ADAMTSL1: variants seen among roughly 807,000 people sequenced by gnomAD.
ADAMTSL1 encodes ADAMTS like 1.
In ADAMTSL1, 126 loss-of-function variants were observed where a neutral mutation model predicts 201.8. The observed-to-expected ratio is 0.62, with a 90% CI of 0.54 to 0.72. ADAMTSL1 has a LOEUF of 0.72. Among genes scored for constraint, ADAMTSL1 ranks in the 30% least tolerant of loss-of-function variants. The probability of loss-of-function intolerance (pLI) is 0.00; values close to 1 mark genes in which losing one functional copy is unlikely to be tolerated. For missense variants in ADAMTSL1, 2,679 were observed against 2,277.8 expected, an observed-to-expected ratio of 1.18 and a Z score of -3.59; for synonymous variants, 1,121 against 903.4, an observed-to-expected ratio of 1.24 and a Z score of -4.32.
At chr9:18,168,275 C>T (rs1222341338) in intron 2 of ADAMTSL1, among the ~76,000 whole-genome samples, 3 of 152,108 alleles carry the variant, frequency 2.0e-5, no homozygotes, top group African/African-American at 7.2e-5. Context: ...TCCCTCACCC[C>T]TCCCCCAACC....
chr9:18,254,569 T>C (rs1021290769), intron 2 of ADAMTSL1, among the ~76,000 whole-genome samples: 15 of 151,732 alleles, frequency 9.9e-5, no homozygotes, highest in Admixed American at 3.3e-4. Context: ...TTCACCATGT[T>C]AGCCAGGATG....
intron 2 of ADAMTSL1, among the ~76,000 whole-genome samples, chr9:18,244,156 G>C (rs746890424): frequency 6.6e-6 from 1 of 151,770 alleles, no homozygotes; most frequent in Admixed American, 6.6e-5. Flanking sequence ...CTACAACACT[G>C]TGTTGAGAAG....
At chr9:18,307,093 T>A (rs1833939558) in intron 2 of ADAMTSL1, among the ~76,000 whole-genome samples, 1 of 152,160 alleles carries the variant, frequency 6.6e-6, no homozygotes, top group Non-Finnish European at 1.5e-5. Context: ...CCAGCCAAAC[T>A]AAGCTTCATA....
At chr9:18,855,929 T>G (rs1446527511) in intron 23 of ADAMTSL1, among the ~76,000 whole-genome samples, 9 of 152,182 alleles carry the variant, frequency 5.9e-5, no homozygotes, top group Admixed American at 5.9e-4. Flanking sequence ...AGAAAAAGAA[T>G]TTAGGCACAG....
chr9:17,996,228 C>T (rs1239740122), intron 1 of ADAMTSL1, among the ~76,000 whole-genome samples: 2 of 151,770 alleles, frequency 1.3e-5, no homozygotes, highest in African/African-American at 4.8e-5. Context: ...CACTCTCCAC[C>T]CACCTCCTGC....
chr9:18,043,825 G>A (rs1256117279), intron 1 of ADAMTSL1, among the ~76,000 whole-genome samples: 1 of 151,764 alleles, frequency 6.6e-6, no homozygotes, highest in Non-Finnish European at 1.5e-5. Flanking sequence ...ACAATGTATA[G>A]GGAAGGAATG....
intron 1 of ADAMTSL1, among the ~76,000 whole-genome samples, chr9:17,960,658 C>T (rs554552818): frequency 3.4e-4 from 52 of 152,306 alleles, no homozygotes; most frequent in African/African-American, 1.2e-3. Context: ...TCCTTAATGT[C>T]TAATAGCCCA....
intron 7 of ADAMTSL1, 125 bp from the exon 8 acceptor site, chr9:18,657,514 C>A (rs1168052550): frequency 1.5e-6 from 1 of 652,850 alleles, no homozygotes; most frequent in Non-Finnish European, 2.7e-6. Flanking sequence ...GCCACTTCTC[C>A]CGCAGTGCAG....
intron 3 of ADAMTSL1, among the ~76,000 whole-genome samples, chr9:18,573,531 C>G (rs1249101704): frequency 1.3e-5 from 2 of 152,142 alleles, no homozygotes; most frequent in Non-Finnish European, 2.9e-5. Flanking sequence ...AAGTCCTAGA[C>G]AAAAAATTAC....
At chr9:18,436,764 T>A (rs1819752417) in intron 2 of ADAMTSL1, among the ~76,000 whole-genome samples, 1 of 152,202 alleles carries the variant, frequency 6.6e-6, no homozygotes, top group African/African-American at 2.4e-5. Context: ...CATCATTTTT[T>A]CTCAGCCATC....
At chr9:18,237,200 T>C (rs1194563036) in intron 2 of ADAMTSL1, among the ~76,000 whole-genome samples, 4 of 152,116 alleles carry the variant, frequency 2.6e-5, no homozygotes, top group African/African-American at 9.7e-5. Flanking sequence ...TGGCAGACCA[T>C]GAGCTCTCCA....
chr9:18,381,543 A>G (rs1208463049), intron 2 of ADAMTSL1, among the ~76,000 whole-genome samples: 2 of 152,204 alleles, frequency 1.3e-5, no homozygotes, highest in Non-Finnish European at 2.9e-5. Context: ...ATGCTGTGAC[A>G]TAATCCCACA....
Position 18,647,460 on chromosome 9 carries a change from T to C in ADAMTSL1, c.834+8049T>C, listed in dbSNP as rs577963379. 2.6e-3 allele frequency among the ~76,000 whole-genome samples: 400 copies of C among 152,282 alleles called. 1 individual carries two copies. The highest frequency in any genetic ancestry group is 9.2e-3 in the African/African-American group (384 of 41,562). ...AATGTGTTTGCTCTTGCTTTTCTAG[T>C]TCTTTTAATTGTGATATTAGGGTGT... On this transcript the variant is annotated intron_variant, in intron 7 of 28. Coordinates refer to ENST00000380548, the MANE Select transcript of ADAMTSL1 (RefSeq NM_001040272.6).
chr9:18,614,630 C>G (rs1825586147), intron 4 of ADAMTSL1, among the ~76,000 whole-genome samples: 1 of 152,102 alleles, frequency 6.6e-6, no homozygotes, highest in African/African-American at 2.4e-5. Context: ...TTATACTGAT[C>G]TTACTCCCTT....
intron 7 of ADAMTSL1, among the ~76,000 whole-genome samples, chr9:18,643,472 T>C (rs139848274): frequency 5.8e-4 from 89 of 152,186 alleles, no homozygotes; most frequent in African/African-American, 2.0e-3. Flanking sequence ...TTTTGGGTCA[T>C]ATTCAAAAAA....
chr9:18,204,052 C>A (rs1371584135), intron 2 of ADAMTSL1, among the ~76,000 whole-genome samples: 1 of 152,140 alleles, frequency 6.6e-6, no homozygotes. Flanking sequence ...ACCTCCGATT[C>A]TCTTCTTAAG....
chr9:18,308,041 A>T (rs1330150023), intron 2 of ADAMTSL1, among the ~76,000 whole-genome samples: 1 of 152,118 alleles, frequency 6.6e-6, no homozygotes, highest in Non-Finnish European at 1.5e-5. Context: ...TCAGAAACTC[A>T]CTCAAAACCA....
At chr9:17,985,488 G>C (rs375073484) in intron 1 of ADAMTSL1, among the ~76,000 whole-genome samples, 1 of 152,022 alleles carries the variant, frequency 6.6e-6, no homozygotes, top group Non-Finnish European at 1.5e-5. Flanking sequence ...TTATAGTTCT[G>C]AGTACTACAA....
At chr9:18,161,113 T>C (rs1369540568) in intron 1 of ADAMTSL1, among the ~76,000 whole-genome samples, 1 of 151,968 alleles carries the variant, frequency 6.6e-6, no homozygotes, top group Non-Finnish European at 1.5e-5. Context: ...TCTTGGGAAA[T>C]ACAAGCAGGC....
Sources: allele counts gnomAD v4.1 joint callset (sites outside exome capture counted in the v4.1 genomes callset), GRCh38; gene constraint gnomAD v4.1.1; transcripts MANE v1.5; gene names NCBI Gene and HGNC (gene_info 2026-07-23, HGNC 2026-07-21).